Variants in PBX1 observed in about 807,000 individuals in gnomAD.
PBX1 encodes the protein PBX homeobox 1, also known as pre-B-cell leukemia transcription factor 1.
In PBX1, 6 loss-of-function variants were observed where a neutral mutation model predicts 53.4. That is an observed-to-expected ratio of 0.11 (90% CI 0.06 to 0.22). The LOEUF is 0.22. Among genes scored for constraint, PBX1 ranks in the 10% least tolerant of loss-of-function variants. The pLI, the probability that PBX1 is intolerant of heterozygous loss-of-function variation, is 1.00. For synonymous variants in PBX1, 204 were observed against 212.3 expected (o/e 0.96, Z 0.34); for missense variants, 251 against 551.4 (o/e 0.46, Z 5.46).
At chr1:164,826,838 A>G (rs1219341557) in intron 8 of PBX1, among the ~76,000 whole-genome samples, 1 of 152,242 alleles carries the variant, frequency 6.6e-6, no homozygotes, top group African/African-American at 2.4e-5. Context: ...TGTCAGCATT[A>G]TCTCTACAAA....
At chr1:164,595,894 A>G (rs556277368) in intron 2 of PBX1, among the ~76,000 whole-genome samples, 3 of 152,310 alleles carry the variant, frequency 2.0e-5, no homozygotes, top group Admixed American at 6.5e-5. Flanking sequence ...AGCTGACAAA[A>G]TAGCTCCAAA....
chr1:164,830,711 C>CT (rs967235459), intron 8 of PBX1, among the ~76,000 whole-genome samples: 1 of 152,142 alleles, frequency 6.6e-6, no homozygotes, highest in Non-Finnish European at 1.5e-5. Flanking sequence ...AAGATAGAGT[C>CT]TTTGTTTCAA....
downstream of PBX1, among the ~76,000 whole-genome samples, chr1:164,856,576 C>T (rs943870541): frequency 1.4e-4 from 21 of 152,238 alleles, no homozygotes; most frequent in African/African-American, 4.1e-4. Flanking sequence ...CCCAGGAGCA[C>T]ACACCCAGGC....
chr1:164,800,857 G>A (rs1669033847), intron 4 of PBX1, among the ~76,000 whole-genome samples: 1 of 152,122 alleles, frequency 6.6e-6, no homozygotes, highest in African/African-American at 2.4e-5. Context: ...CATTAGATAT[G>A]TCAGGGTCAG....
In PBX1 at chr1:164,850,536, G is replaced by GATT. The variant is rs1671784984; in HGVS notation, c.*3863_*3865dup. ...TTGGGGGGCTTTTTTTAATTGTCAGGATTATGATCTTGCTGTTTTTCTTCA... is the reference window on the plus strand; with the variant it reads ...TTGGGGGGCTTTTTTTAATTGTCAGGATTATTATGATCTTGCTGTTTTTCTTCA... On this transcript the variant is annotated 3_prime_UTR_variant, in exon 9 of 9. Transcript: ENST00000420696. The GATT allele has an allele frequency of 5.2e-6, 1 of 194,052 alleles. No homozygotes were observed. The highest frequency in any genetic ancestry group is 1.9e-4 in the South Asian group (1 of 5,162). The allele number at this position is 194,052 out of a possible 1,614,324, so 12.0% of individuals were successfully genotyped here.
At position 164,655,098 on chromosome 1, in the gene PBX1, G is replaced by GTT. The variant is rs1385024281; in HGVS notation, c.265+91788_265+91789insTT. The stretch of plus-strand genomic sequence containing the variant: ...ATCTCTCTTCCCCAGTCTCTGATGT[G>GTT]TGTTTTTTTTTTTTTTTTATTTTTA... On this transcript the variant is annotated intron_variant, in intron 2 of 8. Coordinates refer to ENST00000420696, the MANE Select transcript of PBX1 (RefSeq NM_002585.4). Among the ~76,000 whole-genome samples, 25 of 38,324 alleles carry GTT rather than the reference G, an allele frequency of 6.5e-4. No homozygotes were observed. The South Asian group carries it at 0.013, about 20-fold the overall frequency. The allele number at this position is 38,324 out of a possible 152,430, so 25.1% of individuals were successfully genotyped here.
chr1:164,737,983 T>C (rs992460921), intron 2 of PBX1, among the ~76,000 whole-genome samples: 15 of 152,312 alleles, frequency 9.8e-5, no homozygotes, highest in African/African-American at 3.4e-4. Context: ...AATGAAATTA[T>C]ATGGAATATA....
At chr1:164,822,950 A>G (rs945481671) in intron 8 of PBX1, among the ~76,000 whole-genome samples, 3 of 152,128 alleles carry the variant, frequency 2.0e-5, no homozygotes, top group Non-Finnish European at 4.4e-5. Context: ...CTTGGTAAGG[A>G]TGTTGCAGAA....
Position 164,716,685 on chromosome 1 carries a change from T to TACACACACACACACACACACACACACAC in PBX1, c.266-75791_266-75764dup, listed in dbSNP as rs375539653. On this transcript the variant is annotated intron_variant, in intron 2 of 8. Transcript: ENST00000420696. ...TGGGCAACATGGGAAATGTCATCTC[T>TACACACACACACACACACACACACACAC]ACACACACACACACACACACACACA... 1.1e-3 allele frequency among the ~76,000 whole-genome samples: 131 copies of TACACACACACACACACACACACACACAC among 115,850 alleles called. 1 individual carries two copies. Among genetic ancestry groups the TACACACACACACACACACACACACACAC allele is most frequent in the South Asian group, 2.8e-3 (7 of 2,544 alleles). The allele number at this position is 115,850 out of a possible 152,430, so 76.0% of individuals were successfully genotyped here. A position where few individuals can be genotyped will look rare whatever the true frequency, so the allele number is the denominator to read the frequency against.
intron 2 of PBX1, chr1:164,770,670 C>T (rs1667320962): frequency 6.6e-6 from 1 of 152,170 alleles, no homozygotes; most frequent in Non-Finnish European, 1.5e-5. Context: ...ACTGGCGGCT[C>T]AGAGAATTTC....
At chr1:164,877,328 G>A (rs1309074452) in intron 2 of PBX1, among the ~76,000 whole-genome samples, 1 of 151,924 alleles carries the variant, frequency 6.6e-6, no homozygotes, top group Non-Finnish European at 1.5e-5. Context: ...TCCTAATAAT[G>A]ATTAAACCCT....
intron 5 of PBX1, among the ~76,000 whole-genome samples, chr1:164,811,356 C>T (rs1405367333): frequency 6.6e-6 from 1 of 152,016 alleles, no homozygotes; most frequent in African/African-American, 2.4e-5. Flanking sequence ...ACATTTAAAC[C>T]CTAGAATTCA....
At chr1:164,841,087 C>T (rs1288993239) in intron 8 of PBX1, among the ~76,000 whole-genome samples, 5 of 152,102 alleles carry the variant, frequency 3.3e-5, no homozygotes, top group Admixed American at 2.6e-4. Flanking sequence ...GTGAAACCGA[C>T]GTGTGAAGGA....
At chr1:164,601,852 A>G (rs1056766874) in intron 2 of PBX1, among the ~76,000 whole-genome samples, 2 of 152,100 alleles carry the variant, frequency 1.3e-5, no homozygotes, top group African/African-American at 4.8e-5. Context: ...GAGCACCTTT[A>G]AAAGGAAGTT....
chr1:164,837,180 T>C (rs1014866745), intron 8 of PBX1, among the ~76,000 whole-genome samples: 1 of 152,198 alleles, frequency 6.6e-6, no homozygotes, highest in Non-Finnish European at 1.5e-5. Context: ...GTAGCCACCG[T>C]TCACCGTTAA....
intron 2 of PBX1, among the ~76,000 whole-genome samples, chr1:164,568,333 C>T (rs2101702984): frequency 1.2e-5 from 1 of 84,794 alleles, no homozygotes; most frequent in Middle Eastern, 6.3e-3. Context: ...TATTGCTTTT[C>T]CTTTAAAAAA....
intron 2 of PBX1, among the ~76,000 whole-genome samples, chr1:164,858,768 G>T (rs1192748245): frequency 6.6e-6 from 1 of 152,132 alleles, no homozygotes; most frequent in Non-Finnish European, 1.5e-5. Context: ...AGAAAATTTA[G>T]AATTCTTCAA....
chr1:164,816,371 T>C (rs1371174938), intron 6 of PBX1: 1 of 151,968 alleles, frequency 6.6e-6, no homozygotes, highest in Admixed American at 6.6e-5. Flanking sequence ...GGTATGAGAG[T>C]CCAATCTAAT....
At chr1:164,740,252 T>C (rs1665531330) in intron 2 of PBX1, among the ~76,000 whole-genome samples, 1 of 152,156 alleles carries the variant, frequency 6.6e-6, no homozygotes, top group African/African-American at 2.4e-5. Flanking sequence ...GTTGCAGTTA[T>C]CTCTACTATG....
Sources: gnomAD v4.1 joint callset for allele counts (sites outside exome capture counted in the v4.1 genomes callset) on GRCh38, gnomAD v4.1.1 for gene constraint, MANE v1.5 for transcripts, NCBI Gene and HGNC (gene_info 2026-07-23, HGNC 2026-07-21) for gene names.